PCDHA4: variants seen among roughly 807,000 people sequenced by gnomAD.
The protein encoded by PCDHA4 is protocadherin alpha-4.
PCDHA4 carries 49 observed loss-of-function variants against 61.4 expected under a neutral mutation model. The ratio of observed to expected loss-of-function variants is 0.80; its 90% CI spans 0.63 to 1.01. The LOEUF (loss-of-function observed/expected upper bound fraction) is 1.01, where lower values mean the gene tolerates loss of function less well. PCDHA4 is among the 50% of genes least tolerant of loss of function. The pLI is 0.00. For missense variants in PCDHA4, 1,254 were observed against 1,235.8 expected, an observed-to-expected ratio of 1.01 and a Z score of -0.22; for synonymous variants, 590 against 550.3, an observed-to-expected ratio of 1.07 and a Z score of -1.01.
chr5:140,856,909 G>T, intron 1 of PCDHA4: 1 of 1,596,132 alleles, frequency 6.3e-7, no homozygotes, highest in African/African-American at 1.3e-5. Context: ...TCCCACCCAC[G>T]ATAAGAAGGA....
intron 1 of PCDHA4, among the ~76,000 whole-genome samples, chr5:140,923,593 A>G (rs2081438423): frequency 6.6e-6 from 1 of 152,246 alleles, no homozygotes. Flanking sequence ...TTGTTAATTC[A>G]TAATTTTAAT....
Position 140,871,064 on chromosome 5 carries a change from G to A in PCDHA4, c.2385+61492G>A, listed in dbSNP as rs369373152. The A allele has an allele frequency of 5.6e-6, 9 of 1,613,116 alleles. No individual in the cohort carries two copies. Among genetic ancestry groups the A allele is most frequent in the Middle Eastern group, 1.6e-4 (1 of 6,084 alleles). ...CTTCTAGTACTGGTGAAGGATCACG[G>A]TGAGCCGGCGCTGACGGCCACGGCC... On this transcript the variant is annotated intron_variant, in intron 1 of 3. Coordinates refer to ENST00000530339, the MANE Select transcript of PCDHA4 (RefSeq NM_018907.4).
Position 140,969,610 on chromosome 5 carries a change from G to A in PCDHA4, c.2386-9339G>A, listed in dbSNP as rs1468528731. 9 of 723,424 alleles carry A rather than the reference G, an allele frequency of 1.2e-5. No individual in the cohort carries two copies. In the African/African-American group the frequency reaches 1.4e-4, roughly 11 times the overall value. The allele number at this position is 723,424 out of a possible 1,614,324, so 44.8% of individuals were successfully genotyped here. On this transcript the variant is annotated intron_variant, in intron 1 of 3. Transcript: ENST00000530339. ...TCTTAATATTTAATGCTAAAACACA[G>A]ATTTGTAGAGAAACAGGACAGGCCT...
chr5:140,823,291 T>G (rs1767641438), intron 1 of PCDHA4: 1 of 1,612,324 alleles, frequency 6.2e-7, no homozygotes, highest in African/African-American at 1.3e-5. Context: ...GCTGTCGAGT[T>G]ACGTTTCGGT....
rs140234108 is a variant in PCDHA4, at chr5:140,845,054, G to A, written c.2385+35482G>A. 4.2e-4 allele frequency among the ~76,000 whole-genome samples: 62 copies of A among 149,352 alleles called. 3 individuals are homozygous for A. The highest frequency in any genetic ancestry group is 7.5e-4 in the Non-Finnish European group (50 of 66,646). ...ATTTTAGCCCCCTTGTCCAACTGAA[G>A]GTAACCTCAAAGCAGCATTGTTTTG... On this transcript the variant is annotated intron_variant, in intron 1 of 3. Transcript: ENST00000530339.
chr5:140,870,714 C>G (rs2052324296), intron 1 of PCDHA4: 3 of 1,613,110 alleles, frequency 1.9e-6, no homozygotes, highest in Non-Finnish European at 8.5e-7. Context: ...TGAGCGCGCG[C>G]GATGCGGGCG....
intron 1 of PCDHA4, chr5:140,870,238 G>A: frequency 6.2e-7 from 1 of 1,614,162 alleles, no homozygotes; most frequent in Non-Finnish European, 8.5e-7. Context: ...CCGTGACTCA[G>A]GTGTCAACGG....
At chr5:140,974,828 A>T (rs2096642920) in intron 1 of PCDHA4, among the ~76,000 whole-genome samples, 1 of 152,188 alleles carries the variant, frequency 6.6e-6, no homozygotes, top group Non-Finnish European at 1.5e-5. Flanking sequence ...CAACATAATG[A>T]TTATTTTAAA....
chr5:141,000,385 CTCTCTCTCTCTA>C (rs1405113604), intron 3 of PCDHA4, among the ~76,000 whole-genome samples: 12 of 64,976 alleles, frequency 1.8e-4, no homozygotes, highest in Admixed American at 6.0e-4. Context: ...CTCTCTCTCT[CTCTCTCTCTCTA>C]TATATATATA....
In PCDHA4 at chr5:140,857,175, A is replaced by T. The variant is rs149086377; in HGVS notation, c.2385+47603A>T. 3 of 1,598,452 alleles carry T rather than the reference A, an allele frequency of 1.9e-6. 1 individual carries two copies. Among genetic ancestry groups the T allele is most frequent in the Non-Finnish European group, 2.6e-6 (3 of 1,167,876 alleles). On this transcript the variant is annotated intron_variant, in intron 1 of 3. Transcript: ENST00000530339. Reference sequence around the variant, plus strand: ...ATTGCCCTAATCAGCGTTTCTGACCATGATTCAGGAGCCAACGGACAGGTC... The same window carrying T: ...ATTGCCCTAATCAGCGTTTCTGACCTTGATTCAGGAGCCAACGGACAGGTC...
chr5:140,949,053 C>T (rs2094339991), intron 1 of PCDHA4, among the ~76,000 whole-genome samples: 1 of 151,694 alleles, frequency 6.6e-6, no homozygotes, highest in Admixed American at 6.6e-5. Flanking sequence ...TTCTAATTTC[C>T]ATTATGATTT....
At chr5:140,963,530 A>T (rs1031416091) in intron 1 of PCDHA4, among the ~76,000 whole-genome samples, 29 of 152,216 alleles carry the variant, frequency 1.9e-4, no homozygotes, top group African/African-American at 6.8e-4. Context: ...CAGAAGTCCC[A>T]TTTACTTCAT....
intron 3 of PCDHA4, among the ~76,000 whole-genome samples, chr5:141,001,099 C>A (rs1554258004): frequency 6.6e-6 from 1 of 151,694 alleles, no homozygotes; most frequent in African/African-American, 2.4e-5. Context: ...CTGTCTAATC[C>A]ATAATAAGCA....
chr5:140,819,984 T>C (rs1766665390), intron 1 of PCDHA4, among the ~76,000 whole-genome samples: 2 of 152,046 alleles, frequency 1.3e-5, no homozygotes. Flanking sequence ...TCTTTGTGTA[T>C]TTTGTATAAA....
rs2150254480 is a variant in PCDHA4 at position 140,836,166 on chromosome 5, C to G, written c.2385+26594C>G. 9 of 1,613,708 alleles carry G rather than the reference C, an allele frequency of 5.6e-6. No homozygotes were observed. The African/African-American group carries it at 1.1e-4, about 19-fold the overall frequency. ...CGCGGGCCATGTGGTGGCGAAGGTA[C>G]GTGCAGTTGACGCTGACTCAGGCTA... On this transcript the variant is annotated intron_variant, in intron 1 of 3. Transcript: ENST00000530339.
chr5:140,950,278 G>A (rs2094467824), intron 1 of PCDHA4, among the ~76,000 whole-genome samples: 1 of 151,868 alleles, frequency 6.6e-6, no homozygotes, highest in African/African-American at 2.4e-5. Context: ...ATGTCTTTTT[G>A]CTTCAACCTG....
chr5:140,882,103 G>A, intron 1 of PCDHA4: 2 of 1,335,054 alleles, frequency 1.5e-6, no homozygotes, highest in Non-Finnish European at 2.0e-6. Context: ...ACGTTTCCGC[G>A]AAGAAAGCCG....
chr5:140,979,947 A>G (rs781881758), intron 2 of PCDHA4, among the ~76,000 whole-genome samples: 4 of 152,258 alleles, frequency 2.6e-5, no homozygotes, highest in African/African-American at 4.8e-5. Context: ...AGTTAATGTG[A>G]AATTAGTTTT....
At position 141,011,407 on chromosome 5, in the gene PCDHA4, G is replaced by A. The variant is rs782613069; in HGVS notation, c.*1470G>A. On this transcript the variant is annotated 3_prime_UTR_variant, in exon 4 of 4. Coordinates refer to ENST00000530339, the MANE Select transcript of PCDHA4 (RefSeq NM_018907.4). ...TGAAATATACTTACTCTGTGCTTGT[G>A]TATGTGAATGTTAATGCAACTATTA... is the stretch of plus-strand genomic sequence containing the variant. The A allele has an allele frequency of 2.0e-5, 3 of 153,718 alleles. No individual in the cohort carries two copies. The highest frequency in any genetic ancestry group is 6.5e-5 in the Admixed American group (1 of 15,284). The allele number at this position is 153,718 out of a possible 1,614,324, so 9.5% of individuals were successfully genotyped here.
Sources: gnomAD v4.1 joint callset for allele counts (sites outside exome capture counted in the v4.1 genomes callset) on GRCh38, gnomAD v4.1.1 for gene constraint, MANE v1.5 for transcripts, NCBI Gene and HGNC (gene_info 2026-07-23, HGNC 2026-07-21) for gene names.